CCBE1: variants seen among roughly 807,000 people sequenced by gnomAD.
CCBE1 encodes collagen and calcium-binding EGF domain-containing protein 1.
CCBE1 carries 37 observed loss-of-function variants against 50.0 expected under a neutral mutation model. That is an observed-to-expected ratio of 0.74 (90% confidence interval 0.57 to 0.97). The LOEUF is 0.97. Ranked by LOEUF, CCBE1 falls within the 50% of genes least tolerant of loss-of-function variation. The pLI, the probability that CCBE1 is intolerant of heterozygous loss-of-function variation, is 0.00. For missense variants in CCBE1, 538 were observed against 523.8 expected, an observed-to-expected ratio of 1.03 and a Z score of -0.26; for synonymous variants, 234 against 203.7, an observed-to-expected ratio of 1.15 and a Z score of -1.27.
chr18:59,568,703 T>A (rs1241774727), intron 2 of CCBE1: 1 of 152,206 alleles, frequency 6.6e-6, no homozygotes, highest in African/African-American at 2.4e-5. Context: ...CAGATGGGCA[T>A]GTGTTTCCTT....
intron 2 of CCBE1, chr18:59,665,994 A>T (rs537346529): frequency 6.6e-6 from 1 of 152,340 alleles, no homozygotes; most frequent in Admixed American, 6.5e-5. Flanking sequence ...GACAGATTCT[A>T]TATCAGTCCG....
intron 2 of CCBE1, among the ~76,000 whole-genome samples, chr18:59,534,520 G>A (rs1385662035): frequency 6.6e-6 from 1 of 152,204 alleles, no homozygotes; most frequent in African/African-American, 2.4e-5. Context: ...CTGGTCCAGT[G>A]CCTCCCCTAC....
intron 5 of CCBE1, among the ~76,000 whole-genome samples, chr18:59,463,609 A>T (rs1254294898): frequency 6.6e-6 from 1 of 152,166 alleles, no homozygotes; most frequent in East Asian, 1.9e-4. Context: ...TTCTCTGGTC[A>T]TTGCTAGTGA....
intron 2 of CCBE1, among the ~76,000 whole-genome samples, chr18:59,655,696 C>A (rs1046966175): frequency 1.3e-5 from 2 of 152,214 alleles, no homozygotes; most frequent in African/African-American, 4.8e-5. Flanking sequence ...TTTTGCCAAC[C>A]TCCAAGAAAG....
At chr18:59,612,237 T>C (rs962120574) in intron 2 of CCBE1, among the ~76,000 whole-genome samples, 3 of 140,984 alleles carry the variant, frequency 2.1e-5, no homozygotes, top group Admixed American at 7.9e-5. Context: ...GGCACATGTA[T>C]ACATATGTAA....
intron 3 of CCBE1, among the ~76,000 whole-genome samples, chr18:59,477,902 A>T (rs652858): frequency 0.67 from 101,284 of 152,082 alleles, 34,200 homozygotes; most frequent in East Asian, 0.84. Flanking sequence ...ATTTTTTGTG[A>T]CACCTTGGCT....
At chr18:59,644,556 C>G (rs1362920876) in intron 2 of CCBE1, among the ~76,000 whole-genome samples, 2 of 152,232 alleles carry the variant, frequency 1.3e-5, no homozygotes, top group African/African-American at 4.8e-5. Context: ...AGAACCACCA[C>G]CTTCAGAATG....
chr18:59,460,836 G>A (rs1911427285), intron 5 of CCBE1, among the ~76,000 whole-genome samples: 1 of 152,100 alleles, frequency 6.6e-6, no homozygotes, highest in East Asian at 1.9e-4. Context: ...TTGGGAGGCT[G>A]AGGGATGGGA....
At chr18:59,551,025 A>AAAAAAAAAAG (rs1915905215) in intron 2 of CCBE1, among the ~76,000 whole-genome samples, 1 of 114,854 alleles carries the variant, frequency 8.7e-6, no homozygotes. Context: ...AAAAAAAAAA[A>AAAAAAAAAAG]AAAAGAAAAG....
intron 2 of CCBE1, among the ~76,000 whole-genome samples, chr18:59,656,786 A>T (rs1204859620): frequency 6.6e-6 from 1 of 152,244 alleles, no homozygotes; most frequent in African/African-American, 2.4e-5. Flanking sequence ...TCTCAGTATT[A>T]TCTTACACTA....
At chr18:59,678,965 A>G (rs377495362) in intron 2 of CCBE1, among the ~76,000 whole-genome samples, 2 of 152,372 alleles carry the variant, frequency 1.3e-5, no homozygotes, top group African/African-American at 2.4e-5. Flanking sequence ...AAATACAAAT[A>G]TACATATAAA....
intron 5 of CCBE1, chr18:59,455,154 G>T (rs557489724): frequency 9.0e-6 from 6 of 667,532 alleles, no homozygotes; most frequent in Non-Finnish European, 2.8e-6. Context: ...AGGGAGAGGG[G>T]CCCTGCTAGA....
At chr18:59,638,344 A>T (rs2053942165) in intron 2 of CCBE1, among the ~76,000 whole-genome samples, 1 of 152,264 alleles carries the variant, frequency 6.6e-6, no homozygotes, top group Admixed American at 6.5e-5. Flanking sequence ...CAAGATCAGC[A>T]CAAGATAAGG....
chr18:59,660,980 A>T (rs1408073603), intron 2 of CCBE1, among the ~76,000 whole-genome samples: 1 of 151,694 alleles, frequency 6.6e-6, no homozygotes, highest in African/African-American at 2.4e-5. Flanking sequence ...ATGACTACTC[A>T]ATGATCATGG....
intron 2 of CCBE1, among the ~76,000 whole-genome samples, chr18:59,683,465 G>A (rs2054618470): frequency 6.6e-6 from 1 of 152,222 alleles, no homozygotes; most frequent in South Asian, 2.1e-4. Flanking sequence ...GGAGGCTGAG[G>A]CAGGCGGATC....
Position 59,579,474 on chromosome 18 carries a change from A to G in CCBE1, c.213-99236T>C, listed in dbSNP as rs78172326. ...AGAGGTCCCGGTATGTCACCTAAGC[A>G]TTGGGCACTTAAAAAGCTTTTCAAT... On this transcript the variant is annotated intron_variant, in intron 2 of 10. Coordinates refer to ENST00000439986, the MANE Select transcript of CCBE1 (RefSeq NM_133459.4). Among the ~76,000 whole-genome samples the G allele has an allele frequency of 9.8e-3, 1,491 of 152,188 alleles. 30 individuals carry two copies. The highest frequency in any genetic ancestry group is 0.035 in the African/African-American group (1,444 of 41,538).
At chr18:59,510,812 G>A (rs371960664) in intron 2 of CCBE1, among the ~76,000 whole-genome samples, 1 of 152,144 alleles carries the variant, frequency 6.6e-6, no homozygotes, top group African/African-American at 2.4e-5. Context: ...ATTGTATATT[G>A]CATGCATGCA....
At position 59,431,159 on chromosome 18, in the gene CCBE1, G is replaced by A. The variant is rs1048006; in HGVS notation, c.*4749C>T. 126,505 of 152,184 alleles carry A rather than the reference G, an allele frequency of 0.83. 52,715 individuals carry two copies. The highest frequency in any genetic ancestry group is 0.91 in the South Asian group (4,389 of 4,826). 9.4% of individuals were successfully genotyped at this position (152,184 alleles called of 1,614,324 possible). ...GGGACTTGCTTTGATCCCCTGGGGA[G>A]TAAGAGGGTCCTTTTCTATGATTTC... is the stretch of plus-strand genomic sequence containing the variant. On this transcript the variant is annotated 3_prime_UTR_variant, in exon 11 of 11. Transcript: ENST00000439986.
chr18:59,531,139 G>T (rs775599692), intron 2 of CCBE1, among the ~76,000 whole-genome samples: 2 of 151,972 alleles, frequency 1.3e-5, no homozygotes, highest in Non-Finnish European at 1.5e-5. Flanking sequence ...CATAACAATG[G>T]ATCACAGAGT....
Sources: allele counts gnomAD v4.1 joint callset (sites outside exome capture counted in the v4.1 genomes callset), GRCh38; gene constraint gnomAD v4.1.1; transcripts MANE v1.5; gene names NCBI Gene and HGNC (gene_info 2026-07-23, HGNC 2026-07-21).